Variants in NAA60 observed in about 807,000 individuals in gnomAD.
The protein encoded by NAA60 is N-alpha-acetyltransferase 60.
In NAA60, 8 loss-of-function variants were observed where a neutral mutation model predicts 26.1. The observed-to-expected ratio is 0.31, with a 90% CI of 0.18 to 0.55. The LOEUF is 0.55. Among genes scored for constraint, NAA60 ranks in the 20% least tolerant of loss-of-function variants. The probability of loss-of-function intolerance (pLI) is 0.93; values close to 1 mark genes in which losing one functional copy is unlikely to be tolerated. For missense variants in NAA60, 290 were observed against 311.3 expected, an observed-to-expected ratio of 0.93 and a Z score of 0.51; for synonymous variants, 131 against 122.5, an observed-to-expected ratio of 1.07 and a Z score of -0.46.
intron 3 of NAA60, 27 bp from the exon 4 acceptor site, chr16:3,479,444 T>A: frequency 6.2e-7 from 1 of 1,609,414 alleles, no homozygotes; most frequent in Non-Finnish European, 8.5e-7. Context: ...CTGTGGCAGG[T>A]TCACCTGAGT....
intron 2 of NAA60, among the ~76,000 whole-genome samples, chr16:3,471,795 C>T (rs1051916698): frequency 2.0e-5 from 3 of 152,298 alleles, no homozygotes; most frequent in Non-Finnish European, 2.9e-5. Context: ...CTCTGGAGTT[C>T]TGCCCAGGGT....
At chr16:3,444,019 G>A in intron 1 of NAA60, 182 bp downstream of exon 1, 8 of 1,200,922 alleles carry the variant, frequency 6.7e-6, no homozygotes, top group Non-Finnish European at 8.6e-6. Context: ...TCACATCGGT[G>A]TAGGCCAGGT....
In NAA60 at chr16:3,479,579, C is replaced by A; in HGVS notation, c.219C>A (p.Asn73Lys). 1 of 1,614,024 alleles carries A rather than the reference C, an allele frequency of 6.2e-7. No homozygotes were observed. Among genetic ancestry groups the A allele is most frequent in the Non-Finnish European group, 8.5e-7 (1 of 1,179,888 alleles). ...GAATGATAGTAGCTGAAATTAAGAACAGGACCAAAATACATAAAGAGGTAC... is the reference window on the plus strand; with the variant it reads ...GAATGATAGTAGCTGAAATTAAGAAAAGGACCAAAATACATAAAGAGGTAC... ...IVGMIVAEIK[N>K]RTKIHKEDGD... The change falls in exon 4 of 8, where the codon AAC (asparagine) becomes AAA (lysine). Residue 73 changes from asparagine (N) to lysine (K), a missense_variant. Coordinates refer to ENST00000407558, the MANE Select transcript of NAA60 (RefSeq NM_001083601.3).
intron 1 of NAA60, among the ~76,000 whole-genome samples, chr16:3,446,915 C>T (rs1319225465): frequency 6.6e-6 from 1 of 151,958 alleles, no homozygotes; most frequent in Non-Finnish European, 1.5e-5. Context: ...CTGGCCTGCT[C>T]ACTGCAACCT....
At chr16:3,460,598 T>A (rs1156779817) in intron 2 of NAA60, among the ~76,000 whole-genome samples, 1 of 152,178 alleles carries the variant, frequency 6.6e-6, no homozygotes, top group African/African-American at 2.4e-5. Flanking sequence ...ACTCCTGACC[T>A]CAAGTGATCC....
chr16:3,482,849 G>T, intron 5 of NAA60: 1 of 563,526 alleles, frequency 1.8e-6, no homozygotes, highest in South Asian at 2.0e-5. Context: ...GCCTCGCTCA[G>T]CCCCCAGGAT....
chr16:3,485,974 C>T lies in NAA60; in HGVS notation c.*714C>T, dbSNP rs879437432. On this transcript the variant is annotated 3_prime_UTR_variant, in exon 8 of 8. Transcript: ENST00000407558. ...TGCCCTGGGAGGTCACACTGCCCGT[C>T]GGACCTTGGCATGCTCCATTCAGCT... 2.7e-5 allele frequency: 8 copies of T among 291,088 alleles called. No homozygotes were observed. The highest frequency in any genetic ancestry group is 4.7e-5 in the Admixed American group (1 of 21,470). The allele number at this position is 291,088 out of a possible 1,614,324, so 18.0% of individuals were successfully genotyped here. A position where few individuals can be genotyped will look rare whatever the true frequency, so the allele number is the denominator to read the frequency against.
At chr16:3,470,523 C>G (rs1273321602) in intron 2 of NAA60, among the ~76,000 whole-genome samples, 2 of 152,230 alleles carry the variant, frequency 1.3e-5, no homozygotes, top group Admixed American at 6.5e-5. Flanking sequence ...CACGTCCTTC[C>G]CAAAGCTGGG....
intron 2 of NAA60, among the ~76,000 whole-genome samples, chr16:3,463,159 A>C (rs2035520545): frequency 6.6e-6 from 1 of 152,168 alleles, no homozygotes; most frequent in African/African-American, 2.4e-5. Flanking sequence ...ATTTTAGAGC[A>C]AAATGGGTAA....
At chr16:3,476,781 C>T (rs2036512294) in intron 3 of NAA60, among the ~76,000 whole-genome samples, 1 of 152,012 alleles carries the variant, frequency 6.6e-6, no homozygotes, top group South Asian at 2.1e-4. Flanking sequence ...ATTAAAGGAG[C>T]CTGTAATCCC....
chr16:3,456,789 C>A (rs118080747), intron 2 of NAA60: 3 of 152,014 alleles, frequency 2.0e-5, no homozygotes, highest in African/African-American at 7.3e-5. Flanking sequence ...GACACGCAGA[C>A]TCAAATCTTT....
rs1273620616 is a variant in NAA60 at position 3,476,222 on chromosome 16, G to T, written c.-6G>T. 1.2e-6 allele frequency: 2 copies of T among 1,609,016 alleles called. No homozygotes were observed. ...GCGTCCCCCCCACCCTTCCCCACAG[G>T]TGTGAATGACAGAGGTGGTGCCATC... On this transcript the variant is annotated splice_region_variant and 5_prime_UTR_variant, in exon 3 of 8. Coordinates refer to ENST00000407558, the MANE Select transcript of NAA60 (RefSeq NM_001083601.3).
At chr16:3,464,712 A>G (rs2150974612) in intron 2 of NAA60, among the ~76,000 whole-genome samples, 1 of 152,340 alleles carries the variant, frequency 6.6e-6, no homozygotes, top group East Asian at 1.9e-4. Context: ...GGTATTATTT[A>G]CAGGTAGTTT....
chr16:3,482,436 C>A, intron 4 of NAA60, 66 bp from the exon 5 acceptor site: 3 of 1,310,138 alleles, frequency 2.3e-6, no homozygotes, highest in Non-Finnish European at 3.2e-6. Context: ...CCCGCCTGGG[C>A]CGGGCTGTGC....
chr16:3,457,134 G>C (rs1013667933), intron 2 of NAA60, among the ~76,000 whole-genome samples: 2 of 152,120 alleles, frequency 1.3e-5, no homozygotes, highest in Non-Finnish European at 2.9e-5. Flanking sequence ...ATTGGATTCT[G>C]GAAAGCTCGG....
At chr16:3,466,248 A>T (rs142336555) in intron 2 of NAA60, among the ~76,000 whole-genome samples, 1 of 152,322 alleles carries the variant, frequency 6.6e-6, no homozygotes, top group African/African-American at 2.4e-5. Flanking sequence ...ATCGAGTTGT[A>T]TGCGGCCACT....
intron 2 of NAA60, among the ~76,000 whole-genome samples, chr16:3,462,867 A>G (rs1025402992): frequency 1.3e-5 from 2 of 151,714 alleles, no homozygotes; most frequent in African/African-American, 4.8e-5. Context: ...GCCTGAAAGG[A>G]CTCCCCTTAC....
chr16:3,449,835 TA>T (rs2034703427), intron 2 of NAA60: 3 of 359,446 alleles, frequency 8.3e-6, no homozygotes, highest in Non-Finnish European at 1.5e-5. Flanking sequence ...TAATGGTTTT[TA>T]AAAAGGGGAG....
intron 2 of NAA60, among the ~76,000 whole-genome samples, chr16:3,460,243 CTG>C (rs1250957095): frequency 6.6e-6 from 1 of 152,226 alleles, no homozygotes; most frequent in African/African-American, 2.4e-5. Context: ...TTATCAGACA[CTG>C]TTTTCTTAAA....
Sources: allele counts gnomAD v4.1 joint callset (sites outside exome capture counted in the v4.1 genomes callset), GRCh38; gene constraint gnomAD v4.1.1; transcripts MANE v1.5; gene names NCBI Gene and HGNC (gene_info 2026-07-23, HGNC 2026-07-21).